Variants in IPO7 observed in about 807,000 individuals in gnomAD.
IPO7 encodes importin 7.
In IPO7, 13 loss-of-function variants were observed where a neutral mutation model predicts 136.4. That is an observed-to-expected ratio of 0.10 (90% CI 0.06 to 0.15). The LOEUF (loss-of-function observed/expected upper bound fraction) is 0.15. IPO7 is among the 10% of genes least tolerant of loss of function. The pLI, the probability that IPO7 is intolerant of heterozygous loss-of-function variation, is 1.00. For missense variants in IPO7, 857 were observed against 1,240.6 expected, an observed-to-expected ratio of 0.69 and a Z score of 4.65; for synonymous variants, 403 against 404.4, an observed-to-expected ratio of 1.00 and a Z score of 0.04.
intron 22 of IPO7, among the ~76,000 whole-genome samples, chr11:9,439,152 G>A (rs570197306): frequency 1.3e-5 from 2 of 152,188 alleles, no homozygotes; most frequent in East Asian, 1.9e-4. Flanking sequence ...TTTTGCTCCT[G>A]TTGCCCAGGC....
chr11:9,441,418 T>C (rs1252159676), intron 23 of IPO7, among the ~76,000 whole-genome samples: 1 of 152,228 alleles, frequency 6.6e-6, no homozygotes, highest in Non-Finnish European at 1.5e-5. Context: ...TGAAACATCT[T>C]TTCCTCTCAG....
chr11:9,389,475 G>A (rs572383410), intron 1 of IPO7, among the ~76,000 whole-genome samples: 1 of 152,342 alleles, frequency 6.6e-6, no homozygotes, highest in South Asian at 2.1e-4. Flanking sequence ...TAGATGCAGA[G>A]AAATTTATGA....
intron 13 of IPO7, 54 bp from the exon 14 acceptor site, chr11:9,428,977 T>C (rs1179846102): frequency 5.4e-6 from 8 of 1,477,304 alleles, no homozygotes; most frequent in Admixed American, 5.0e-5. Context: ...AGAGATTAGC[T>C]TGGGGGAATT....
chr11:9,425,072 T>C, intron 11 of IPO7, 74 bp from the exon 12 acceptor site: 1 of 1,289,444 alleles, frequency 7.8e-7, no homozygotes, highest in Non-Finnish European at 1.1e-6. Flanking sequence ...GTTAGTCATG[T>C]GAGTCATTTT....
chr11:9,444,606 G>A (rs984064276), intron 24 of IPO7, among the ~76,000 whole-genome samples: 1 of 151,672 alleles, frequency 6.6e-6, no homozygotes, highest in Non-Finnish European at 1.5e-5. Context: ...TCCTGAGGCG[G>A]ATGGATCACT....
chr11:9,410,809 G>C (rs551044567), intron 4 of IPO7, among the ~76,000 whole-genome samples: 133 of 152,220 alleles, frequency 8.7e-4, no homozygotes, highest in Non-Finnish European at 1.6e-3. Context: ...GGGATATTAC[G>C]AGGAAGGCAT....
At chr11:9,420,352 C>A in intron 6 of IPO7, 59 bp from the exon 7 acceptor site, 2 of 1,115,122 alleles carry the variant, frequency 1.8e-6, no homozygotes, top group Non-Finnish European at 2.7e-6. Flanking sequence ...CTATTCTCAT[C>A]TCATGCTGTT....
chr11:9,415,560 C>T (rs905941618), intron 5 of IPO7, among the ~76,000 whole-genome samples: 5 of 151,968 alleles, frequency 3.3e-5, no homozygotes, highest in South Asian at 2.1e-4. Context: ...TGGTTGGGGC[C>T]GGGCGTGATG....
chr11:9,429,727 A>C lies in IPO7; in HGVS notation c.1645A>C (p.Ile549Leu), dbSNP rs754238946. The change falls in exon 15 of 25, where the codon ATT becomes CTT. Residue 549 changes from isoleucine to leucine, a missense_variant. Physicochemically the swap from Ile to Leu is conservative, Grantham distance 5 (BLOSUM62 2). This residue lies in a region of IPO7 where 58 missense variants were observed against 122.1 expected (regional missense o/e 0.47). Coordinates refer to ENST00000379719, the MANE Select transcript of IPO7 (RefSeq NM_006391.3). ...ACCTGTAATGCAGGCTCTTCTTCAC[A>C]TTATAAGAGAAACAGAAAATGATGA... Reference protein sequence around the residue: ...IRPVMQALLHIIRETENDDLT... With the variant: ...IRPVMQALLHLIRETENDDLT... 23 of 1,607,108 alleles carry C rather than the reference A, an allele frequency of 1.4e-5. No individual in the cohort carries two copies. The highest frequency in any genetic ancestry group is 1.9e-5 in the Non-Finnish European group (22 of 1,176,036).
chr11:9,414,123 C>A (rs1195001491), intron 4 of IPO7, 132 bp from the exon 5 acceptor site: 1 of 603,912 alleles, frequency 1.7e-6, no homozygotes, highest in African/African-American at 1.9e-5. Flanking sequence ...TGGTTTTGTT[C>A]TAGATATTTT....
intron 8 of IPO7, among the ~76,000 whole-genome samples, chr11:9,421,224 G>A (rs1855122915): frequency 6.6e-6 from 1 of 151,588 alleles, no homozygotes. Context: ...GCCTCCCAAA[G>A]TGCTGGGATT....
intron 2 of IPO7, among the ~76,000 whole-genome samples, chr11:9,406,104 C>CTTTTTTTTT (rs71062847): frequency 1.6e-5 from 1 of 61,840 alleles, no homozygotes; most frequent in Admixed American, 3.1e-4. Context: ...TGAGGCTGGT[C>CTTTTTTTTT]TTTTTTTTTT....
chr11:9,400,701 C>T (rs915078570), intron 1 of IPO7, among the ~76,000 whole-genome samples: 3 of 151,624 alleles, frequency 2.0e-5, no homozygotes, highest in Admixed American at 6.6e-5. Context: ...GGATTACAGG[C>T]GTGAGCCACT....
In IPO7 at chr11:9,397,361, T is replaced by TATATATATATATATAA. The variant is rs377148636; in HGVS notation, c.85-5925_85-5924insATATATATATAAATAT. Among the ~76,000 whole-genome samples the TATATATATATATATAA allele has an allele frequency of 2.6e-4, 11 of 42,280 alleles. 1 individual carries two copies. Among genetic ancestry groups the TATATATATATATATAA allele is most frequent in the African/African-American group, 1.3e-3 (11 of 8,754 alleles). 27.7% of individuals were successfully genotyped at this position (42,280 alleles called of 152,430 possible). On this transcript the variant is annotated intron_variant, in intron 1 of 24. Transcript: ENST00000379719. The stretch of plus-strand genomic sequence containing the variant: ...AAAAAAATATATATATATATATATA[T>TATATATATATATATAA]ATATTAGTCGGGCACGGTGGCAGGT...
intron 1 of IPO7, among the ~76,000 whole-genome samples, chr11:9,401,230 G>A (rs1225030390): frequency 6.6e-6 from 1 of 151,930 alleles, no homozygotes; most frequent in Non-Finnish European, 1.5e-5. Flanking sequence ...TATTGTTCAT[G>A]TGAACATGTG....
chr11:9,385,575 G>T (rs1431201889), intron 1 of IPO7, among the ~76,000 whole-genome samples: 1 of 152,206 alleles, frequency 6.6e-6, no homozygotes, highest in Admixed American at 6.5e-5. Context: ...GTGACCTTGG[G>T]CCAGTCGCTT....
At position 9,435,005 on chromosome 11, in the gene IPO7, G is replaced by A; in HGVS notation, c.2146G>A (p.Glu716Lys). The A allele has an allele frequency of 6.2e-7, 1 of 1,604,580 alleles. No homozygotes were observed. The highest frequency in any genetic ancestry group is 1.1e-5 in the South Asian group (1 of 90,858). Residue 716 changes from glutamate (E) to lysine (K), a missense_variant, in exon 19 of 25, where the codon GAA (glutamate) becomes AAA (lysine). By Grantham distance (56) the Glu-to-Lys change is moderately conservative. This residue lies in a region of IPO7 where 190 missense variants were observed against 249.0 expected (regional missense o/e 0.76). Transcript: ENST00000379719. ...ACTTCTGTCTGACACCAAGTATCTT[G>A]AAATGATATACAGTATGTGCAAAAA... ...DTLLSDTKYL[E>K]MIYSMCKKVL...
intron 1 of IPO7, among the ~76,000 whole-genome samples, chr11:9,385,201 G>A (rs1273901759): frequency 1.3e-5 from 2 of 152,182 alleles, no homozygotes; most frequent in South Asian, 2.1e-4. Context: ...AGGAGGGGGC[G>A]AAACTTACTG....
intron 24 of IPO7, among the ~76,000 whole-genome samples, chr11:9,443,173 A>G (rs1855481687): frequency 6.6e-6 from 1 of 152,070 alleles, no homozygotes; most frequent in African/African-American, 2.4e-5. Context: ...ATTGCACTGC[A>G]GCCTGGGTGA....
Sources: allele counts gnomAD v4.1 joint callset (sites outside exome capture counted in the v4.1 genomes callset), GRCh38; gene constraint gnomAD v4.1.1; regional missense constraint gnomAD v4.1.1; transcripts MANE v1.5; gene names NCBI Gene and HGNC (gene_info 2026-07-23, HGNC 2026-07-21).